Variants in AS3MT observed in about 807,000 individuals in gnomAD.
AS3MT encodes arsenite methyltransferase.
In AS3MT, 47 loss-of-function variants were observed where a neutral mutation model predicts 45.3. The observed-to-expected ratio is 1.04, with a 90% confidence interval of 0.82 to 1.32. The LOEUF (loss-of-function observed/expected upper bound fraction) is 1.32, where lower values mean the gene tolerates loss of function less well. Ranked by LOEUF, AS3MT falls within the 40% of genes most tolerant of loss-of-function variation. The probability of loss-of-function intolerance (pLI) is 0.00; values close to 1 mark genes in which losing one functional copy is unlikely to be tolerated. For missense variants in AS3MT, 396 were observed against 451.1 expected (o/e 0.88, Z 1.11); for synonymous variants, 141 against 152.8 (o/e 0.92, Z 0.57).
Position 102,878,989 on chromosome 10 carries a change from A to G in AS3MT, c.883A>G (p.Lys295Glu), listed in dbSNP as rs752861775. The change falls in exon 9 of 11, where the codon AAG (lysine) becomes GAG (glutamate). Residue 295 changes from lysine (K) to glutamate (E), a missense_variant and splice_region_variant. Lys to Glu is a moderately conservative substitution (Grantham distance 56). Coordinates refer to ENST00000369880, the MANE Select transcript of AS3MT (RefSeq NM_020682.4). The part of the protein sequence containing the change: ...ELMFDANFTF[K>E]EGEIVEVDEE... ...AATGTTTGATGCCAATTTTACATTT[A>G]AGGTAAATAAAACAATTTCCATGAC... The G allele has an allele frequency of 1.9e-6, 3 of 1,610,560 alleles. No homozygotes were observed. The highest frequency in any genetic ancestry group is 2.5e-6 in the Non-Finnish European group (3 of 1,178,376).
In AS3MT at chr10:102,891,948, CAAAAAAAAAAAAAAAAA is replaced by C. The variant is rs57594880; in HGVS notation, c.1020+1280_1020+1296del. On this transcript the variant is annotated intron_variant, in intron 10 of 10. Transcript: ENST00000369880. ...TGGGCAACAGAGTGAGACTCTGTCT[CAAAAAAAAAAAAAAAAA>C]AAAAAAAAAGAAAGAAGGCTAGAGA... 3.3e-4 allele frequency among the ~76,000 whole-genome samples: 19 copies of C among 57,868 alleles called. No individual in the cohort carries two copies. The South Asian group carries it at 0.016, about 47-fold the overall frequency. 38.0% of individuals were successfully genotyped at this position (57,868 alleles called of 152,430 possible). A position where few individuals can be genotyped will look rare whatever the true frequency, so the allele number is the denominator to read the frequency against.
rs542798949 is a variant in AS3MT, at chr10:102,880,064, G to GA, written c.885+1074dup. On this transcript the variant is annotated intron_variant, in intron 9 of 10. Coordinates refer to ENST00000369880, the MANE Select transcript of AS3MT (RefSeq NM_020682.4). The stretch of plus-strand genomic sequence containing the variant: ...AACTTTTTACAAGAAGCCTCATTCA[G>GA]ACATTGGATTAATAGGGCTATAGAG... Among the ~76,000 whole-genome samples, 23 of 152,246 alleles carry GA rather than the reference G, an allele frequency of 1.5e-4. No individual in the cohort carries two copies. In the East Asian group the frequency reaches 4.4e-3, roughly 29 times the overall value.
rs1282263771 is a variant in AS3MT, at chr10:102,890,015, C to T, written c.886-529C>T. 5.6e-5 allele frequency among the ~76,000 whole-genome samples: 7 copies of T among 125,484 alleles called. No homozygotes were observed. In the South Asian group the frequency reaches 7.6e-4, roughly 14 times the overall value. 82.3% of individuals were successfully genotyped at this position (125,484 alleles called of 152,430 possible). Reference sequence around the variant, plus strand: ...TTTTCTTTTTTTTTTTTTTTTGAGACGGAGTCTCGCTCTGTTGCCCAGGCT... The same window carrying T: ...TTTTCTTTTTTTTTTTTTTTTGAGATGGAGTCTCGCTCTGTTGCCCAGGCT... On this transcript the variant is annotated intron_variant, in intron 9 of 10. Coordinates refer to ENST00000369880, the MANE Select transcript of AS3MT (RefSeq NM_020682.4).
chr10:102,877,559 C>CAAAAAAA (rs199723619), intron 7 of AS3MT, among the ~76,000 whole-genome samples: 1 of 94,392 alleles, frequency 1.1e-5, no homozygotes, highest in African/African-American at 4.2e-5. Flanking sequence ...TGGAAAGTGC[C>CAAAAAAA]AAAAAAAAAA....
At chr10:102,891,149 G>A (rs1845064047) in intron 10 of AS3MT, among the ~76,000 whole-genome samples, 1 of 152,070 alleles carries the variant, frequency 6.6e-6, no homozygotes, top group African/African-American at 2.4e-5. Context: ...AGATCTTATC[G>A]GGAAGCTGCT....
chr10:102,875,205 G>A (rs1360516405), intron 6 of AS3MT, among the ~76,000 whole-genome samples: 1 of 152,010 alleles, frequency 6.6e-6, no homozygotes, highest in African/African-American at 2.4e-5. Flanking sequence ...AGCCAGGTGC[G>A]GTAGCTCACA....
At position 102,872,565 on chromosome 10, in the gene AS3MT, A is replaced by T; in HGVS notation, c.288A>T (p.Gly96=). Residue 96 remains glycine, a synonymous_variant, in exon 4 of 11, where the codon GGA becomes GGT. Coordinates refer to ENST00000369880, the MANE Select transcript of AS3MT (RefSeq NM_020682.4). ...TTAGCCAGCTGGTTGGTGAAAAAGG[A>T]CACGTGACTGGAATAGACATGACCA... ...YVLSQLVGEK[G]HVTGIDMTKG... 1 of 1,613,992 alleles carries T rather than the reference A, an allele frequency of 6.2e-7. No individual in the cohort carries two copies. Among genetic ancestry groups the T allele is most frequent in the South Asian group, 1.1e-5 (1 of 91,072 alleles).
Position 102,874,627 on chromosome 10 carries a change from A to AAC in AS3MT, c.496_497dup (p.Gln166HisfsTer11). 1 of 1,610,506 alleles carries AAC rather than the reference A, an allele frequency of 6.2e-7. No individual in the cohort carries two copies. The highest frequency in any genetic ancestry group is 1.1e-5 in the South Asian group (1 of 90,364). On this transcript the variant is annotated frameshift_variant, in exon 6 of 11. Coordinates refer to ENST00000369880, the MANE Select transcript of AS3MT (RefSeq NM_020682.4). LOFTEE classifies it high-confidence loss of function. ...GTTATTAACCTTGTGCCTGATAAACAACAAGTGCTTCAGGAGGCATATCGG... is the reference window on the plus strand; with the variant it reads ...GTTATTAACCTTGTGCCTGATAAACAACACAAGTGCTTCAGGAGGCATATCGG...
rs776502872 is a variant in AS3MT at position 102,872,554 on chromosome 10, G to A, written c.277G>A (p.Gly93Ser). The A allele has an allele frequency of 6.2e-7, 1 of 1,613,702 alleles. No individual in the cohort carries two copies. The highest frequency in any genetic ancestry group is 8.5e-7 in the Non-Finnish European group (1 of 1,179,808). ...RDCYVLSQLV[G>S]EKGHVTGIDM... ...TTGCTATGTACTTAGCCAGCTGGTT[G>A]GTGAAAAAGGACACGTGACTGGAAT... Residue 93 changes from glycine (G) to serine (S), a missense_variant, in exon 4 of 11, where the codon GGT (glycine) becomes AGT (serine). Physicochemically the swap from Gly to Ser is moderately conservative, Grantham distance 56. Transcript: ENST00000369880.
intron 2 of AS3MT, 30 bp downstream of exon 2, chr10:102,869,875 A>G (rs375314266): frequency 8.1e-6 from 13 of 1,612,894 alleles, no homozygotes; most frequent in African/African-American, 6.7e-5. Context: ...GAATGGCCCA[A>G]GTGGAGCCTA....
At chr10:102,897,132 C>T (rs1845186135) in intron 10 of AS3MT, among the ~76,000 whole-genome samples, 1 of 152,074 alleles carries the variant, frequency 6.6e-6, no homozygotes, top group Non-Finnish European at 1.5e-5. Context: ...GCCTGTAATC[C>T]CAGCACTTTG....
intron 9 of AS3MT, among the ~76,000 whole-genome samples, chr10:102,880,895 G>C (rs1844859987): frequency 6.6e-6 from 1 of 152,158 alleles, no homozygotes; most frequent in Admixed American, 6.6e-5. Context: ...AAAATATTTA[G>C]AGGACAAGAA....
intron 9 of AS3MT, among the ~76,000 whole-genome samples, chr10:102,889,654 T>TCCTTCCTTCCTTCCTTCCTTCCTC (rs1845031367): frequency 6.7e-6 from 1 of 148,786 alleles, no homozygotes; most frequent in Non-Finnish European, 1.5e-5. Flanking sequence ...CTTTCTTCCT[T>TCCTTCCTTCCTTCCTTCCTTCCTC]CCTTCCTTCC....
At position 102,900,666 on chromosome 10, in the gene AS3MT, C is replaced by CT; in HGVS notation, c.1095dup (p.Gly366TrpfsTer14). ...AAGTCCAGATGTGTCCCTGATGCTG[C>CT]TGGAGGCTGCTGTGGCACAAAGAAA... On this transcript the variant is annotated frameshift_variant, in exon 11 of 11. Coordinates refer to ENST00000369880, the MANE Select transcript of AS3MT (RefSeq NM_020682.4). LOFTEE classifies it high-confidence loss of function. 2 of 1,614,112 alleles carry CT rather than the reference C, an allele frequency of 1.2e-6. No individual in the cohort carries two copies. Among genetic ancestry groups the CT allele is most frequent in the African/African-American group, 2.7e-5 (2 of 75,048 alleles).
chr10:102,884,785 G>A (rs1186786286), intron 9 of AS3MT, among the ~76,000 whole-genome samples: 1 of 152,010 alleles, frequency 6.6e-6, no homozygotes, highest in African/African-American at 2.4e-5. Flanking sequence ...GACCTCAGAC[G>A]ATCTGCCTGC....
intron 5 of AS3MT, among the ~76,000 whole-genome samples, chr10:102,873,708 G>C (rs1844733980): frequency 6.6e-6 from 1 of 152,172 alleles, no homozygotes; most frequent in Non-Finnish European, 1.5e-5. Context: ...AGCTGCTGGA[G>C]CTCACCAGCA....
At chr10:102,889,671 C>A (rs1271274538) in intron 9 of AS3MT, among the ~76,000 whole-genome samples, 1 of 144,006 alleles carries the variant, frequency 6.9e-6, no homozygotes, top group Non-Finnish European at 1.5e-5. Flanking sequence ...TTCCCTTCCT[C>A]CCTCCACCCC....
At chr10:102,887,494 T>C (rs980232520) in intron 9 of AS3MT, among the ~76,000 whole-genome samples, 1 of 152,212 alleles carries the variant, frequency 6.6e-6, no homozygotes, top group Non-Finnish European at 1.5e-5. Context: ...TTATATACTT[T>C]GGAGCTCCAA....
intron 9 of AS3MT, among the ~76,000 whole-genome samples, chr10:102,889,674 T>A (rs1469528985): frequency 8.2e-6 from 1 of 122,028 alleles, no homozygotes; most frequent in African/African-American, 3.2e-5. Context: ...CCTTCCTCCC[T>A]CCACCCCCCC....
Sources: gnomAD v4.1 joint callset for allele counts (sites outside exome capture counted in the v4.1 genomes callset) on GRCh38, gnomAD v4.1.1 for gene constraint, MANE v1.5 for transcripts, NCBI Gene and HGNC (gene_info 2026-07-23, HGNC 2026-07-21) for gene names.